The following STAMBPL1 variants were observed in gnomAD, a reference collection of about 807,000 sequenced individuals.
The protein encoded by STAMBPL1 is AMSH-like protease.
Under a neutral mutation model 52.9 loss-of-function variants are expected in STAMBPL1, and 44 were observed. The observed-to-expected ratio is 0.83, with a 90% CI of 0.65 to 1.07. The LOEUF is 1.07. STAMBPL1 is among the 50% of genes least tolerant of loss of function. The pLI is 0.00. For missense variants in STAMBPL1, 511 were observed against 520.8 expected, an observed-to-expected ratio of 0.98 and a Z score of 0.18; for synonymous variants, 164 against 177.3, an observed-to-expected ratio of 0.92 and a Z score of 0.60.
At chr10:88,884,896 T>C (rs1844492418) in intron 1 of STAMBPL1, among the ~76,000 whole-genome samples, 1 of 152,222 alleles carries the variant, frequency 6.6e-6, no homozygotes, top group South Asian at 2.1e-4. Flanking sequence ...AGTCTCAGTT[T>C]CCTTGCTTTT....
At chr10:88,920,041 G>A (rs1845470870) in intron 8 of STAMBPL1, among the ~76,000 whole-genome samples, 1 of 152,026 alleles carries the variant, frequency 6.6e-6, no homozygotes, top group South Asian at 2.1e-4. Context: ...TGGAGAGATG[G>A]AGTCTACCTA....
intron 3 of STAMBPL1, 117 bp downstream of exon 3, chr10:88,905,777 C>T (rs1845058728): frequency 1.3e-6 from 1 of 758,594 alleles, no homozygotes; most frequent in South Asian, 1.9e-5. Flanking sequence ...TGCACAGTCT[C>T]TAGGAGCATT....
intron 4 of STAMBPL1, among the ~76,000 whole-genome samples, chr10:88,910,005 CTGTT>C (rs1845177187): frequency 6.6e-6 from 1 of 152,064 alleles, no homozygotes; most frequent in Non-Finnish European, 1.5e-5. Context: ...TCAGAGAGTT[CTGTT>C]TGGAAACCAA....
At chr10:88,900,330 AGTGATGAATG>A (rs1225638387) in intron 1 of STAMBPL1, among the ~76,000 whole-genome samples, 2 of 152,218 alleles carry the variant, frequency 1.3e-5, no homozygotes, top group African/African-American at 4.8e-5. Context: ...AAGTCATCTA[AGTGATGAATG>A]GGGTATAAAG....
chr10:88,902,520 A>G (rs1329663994), intron 2 of STAMBPL1, among the ~76,000 whole-genome samples: 7 of 152,126 alleles, frequency 4.6e-5, no homozygotes, highest in Non-Finnish European at 1.0e-4. Flanking sequence ...ACCAGGACAT[A>G]AAGAAAGAGA....
intron 7 of STAMBPL1, among the ~76,000 whole-genome samples, chr10:88,915,083 T>C (rs1156295727): frequency 6.6e-6 from 1 of 152,192 alleles, no homozygotes; most frequent in Non-Finnish European, 1.5e-5. Flanking sequence ...GGAATAAAAC[T>C]AGGATTTTGT....
rs976033040 is a variant in STAMBPL1 at position 88,921,488 on chromosome 10, T to C, written c.1154+93T>C. On this transcript the variant is annotated intron_variant, in intron 9 of 10. Coordinates refer to ENST00000371926, the MANE Select transcript of STAMBPL1 (RefSeq NM_020799.4). ...AGACACCAGGTTGTGGTACTTGGAT[T>C]GGCAAGCACACAACGCCCTCGGGAA... 88 of 973,754 alleles carry C rather than the reference T, an allele frequency of 9.0e-5. 1 individual carries two copies. In the African/African-American group the frequency reaches 1.3e-3, roughly 14 times the overall value. 60.3% of individuals were successfully genotyped at this position (973,754 alleles called of 1,614,324 possible). A position where few individuals can be genotyped will look rare whatever the true frequency, so the allele number is the denominator to read the frequency against.
chr10:88,913,309 C>G lies in STAMBPL1; in HGVS notation c.629C>G (p.Ala210Gly). Residue 210 changes from alanine to glycine, a missense_variant, in exon 6 of 11, where the codon GCT (alanine) becomes GGT (glycine). Physicochemically the swap from Ala to Gly is moderately conservative, Grantham distance 60. This residue lies in a region of STAMBPL1 where 358 missense variants were observed against 343.5 expected (regional missense o/e 1.04). Transcript: ENST00000371926. The part of the protein sequence containing the change: ...SGLSEQIDGS[A>G]LSCFSTHQNN... The stretch of plus-strand genomic sequence containing the variant: ...CTGTCAGAGCAGATTGATGGGAGCG[C>G]TTTGTCCTGCTTTTCCACACACCAG... 1 of 1,613,884 alleles carries G rather than the reference C, an allele frequency of 6.2e-7. No homozygotes were observed. Among genetic ancestry groups the G allele is most frequent in the Non-Finnish European group, 8.5e-7 (1 of 1,179,838 alleles).
intron 5 of STAMBPL1, 49 bp from the exon 6 acceptor site, chr10:88,913,052 T>C (rs768582571): frequency 2.0e-6 from 3 of 1,464,058 alleles, no homozygotes; most frequent in Non-Finnish European, 2.8e-6. Context: ...TCCAGTTCAA[T>C]GTTTCTCCTT....
chr10:88,915,013 T>C (rs1845333823), intron 7 of STAMBPL1, among the ~76,000 whole-genome samples: 1 of 152,178 alleles, frequency 6.6e-6, no homozygotes. Context: ...TCACATACAT[T>C]CATATAATTA....
Position 88,916,835 on chromosome 10 carries a change from G to A in STAMBPL1, c.1041+18G>A. On this transcript the variant is annotated intron_variant, in intron 8 of 10. Coordinates refer to ENST00000371926, the MANE Select transcript of STAMBPL1 (RefSeq NM_020799.4). ...GGATCCATGTACGTTTGACCTTTTG[G>A]GTTTCAGTTTTTTTGTGTGTGTGGC... The A allele has an allele frequency of 2.6e-6, 4 of 1,516,462 alleles. No homozygotes were observed. Among genetic ancestry groups the A allele is most frequent in the East Asian group, 2.5e-5 (1 of 40,460 alleles). The allele number at this position is 1,516,462 out of a possible 1,614,324, so 93.9% of individuals were successfully genotyped here.
intron 5 of STAMBPL1, among the ~76,000 whole-genome samples, chr10:88,911,660 G>T (rs780043078): frequency 1.1e-4 from 17 of 152,210 alleles, no homozygotes; most frequent in Non-Finnish European, 2.5e-4. Flanking sequence ...TGTTTTATTT[G>T]CTTTAGGGGT....
In STAMBPL1 at chr10:88,894,409, G is replaced by GCC; in HGVS notation, c.-53-7247_-53-7246insCC. ...ATCTTTTTCTATTGAAGGCGACATA[G>GCC]TACCTTGCCTGCCCAGAATTCAGCT... On this transcript the variant is annotated intron_variant, in intron 1 of 10. Coordinates refer to ENST00000371926, the MANE Select transcript of STAMBPL1 (RefSeq NM_020799.4). Among the ~76,000 whole-genome samples, 2 of 152,050 alleles carry GCC rather than the reference G, an allele frequency of 1.3e-5. 1 individual carries two copies. The highest frequency in any genetic ancestry group is 6.8e-3 in the Middle Eastern group (2 of 294).
At chr10:88,883,890 A>G (rs1414641899) in intron 1 of STAMBPL1, among the ~76,000 whole-genome samples, 1 of 149,566 alleles carries the variant, frequency 6.7e-6, no homozygotes, top group African/African-American at 2.5e-5. Context: ...GGATGTTATG[A>G]CTCCTTTTTT....
At chr10:88,883,219 C>T (rs1844451332) in intron 1 of STAMBPL1, among the ~76,000 whole-genome samples, 1 of 152,034 alleles carries the variant, frequency 6.6e-6, no homozygotes, top group African/African-American at 2.4e-5. Flanking sequence ...ACCTCTTCTG[C>T]TATTTTTTAA....
In STAMBPL1 at chr10:88,905,448, G is replaced by A. The variant is rs771157158; in HGVS notation, c.36G>A (p.Lys12=). 1.2e-6 allele frequency: 2 copies of A among 1,613,846 alleles called. No homozygotes were observed. The highest frequency in any genetic ancestry group is 1.1e-5 in the South Asian group (1 of 91,074). ...ATTTAAATTTTGCTTTGCAGAAAAA[G>A]TTAGCTGCTATGCCTGACCATACAG... ...DQPFTVNSLK[K]LAAMPDHTDV... The change falls in exon 3 of 11, where the codon AAG becomes AAA. Residue 12 remains lysine, a synonymous_variant. Transcript: ENST00000371926.
intron 9 of STAMBPL1, among the ~76,000 whole-genome samples, 198 bp from the exon 10 acceptor site, chr10:88,922,139 A>G (rs1845528070): frequency 6.6e-6 from 1 of 152,014 alleles, no homozygotes; most frequent in African/African-American, 2.4e-5. Flanking sequence ...GCAGGCTCTT[A>G]GCAGCAGCAT....
chr10:88,892,551 T>C lies in STAMBPL1; in HGVS notation c.-53-9105T>C, dbSNP rs77688816. Among the ~76,000 whole-genome samples the C allele has an allele frequency of 4.7e-3, 717 of 152,306 alleles. 7 individuals are homozygous for C. The highest frequency in any genetic ancestry group is 0.016 in the African/African-American group (669 of 41,564). On this transcript the variant is annotated intron_variant, in intron 1 of 10. Coordinates refer to ENST00000371926, the MANE Select transcript of STAMBPL1 (RefSeq NM_020799.4). ...CAGCAGATGACCACTTGCTAACAAC[T>C]TTGCCAGAATAAGGAGCTCTTCAAG...
At chr10:88,908,610 A>C in intron 3 of STAMBPL1, 92 bp from the exon 4 acceptor site, 1 of 1,068,102 alleles carries the variant, frequency 9.4e-7, no homozygotes, top group Non-Finnish European at 1.4e-6. Context: ...TAAACATGTC[A>C]TTTTTGAAAA....
Sources: allele counts gnomAD v4.1 joint callset (sites outside exome capture counted in the v4.1 genomes callset), GRCh38; gene constraint gnomAD v4.1.1; regional missense constraint gnomAD v4.1.1; transcripts MANE v1.5; gene names NCBI Gene and HGNC (gene_info 2026-07-23, HGNC 2026-07-21).